Variants in RTL4 observed in about 807,000 individuals in gnomAD.
RTL4 encodes the protein retrotransposon Gag like 4.
A neutral mutation model predicts 5.3 loss-of-function variants in RTL4; 4 were observed. The ratio of observed to expected loss-of-function variants is 0.75; its 90% confidence interval spans 0.37 to 1.72. The LOEUF is 1.72. Ranked by LOEUF, RTL4 falls within the 40% of genes most tolerant of loss-of-function variation. The pLI is 0.04. For synonymous variants in RTL4, 98 were observed against 87.3 expected (o/e 1.12, Z -0.68); for missense variants, 260 against 227.1 (o/e 1.14, Z -0.93).
At chrX:112,365,724 G>A in the RTL4 span, among the ~76,000 whole-genome samples, 1 of 111,216 alleles carries the variant, frequency 9.0e-6, no homozygotes, top group Non-Finnish European at 1.9e-5. Flanking sequence ...TTTCACTCCC[G>A]TGCTCTTTCT....
chrX:112,087,251 A>G, the RTL4 span, among the ~76,000 whole-genome samples: 2 of 109,602 alleles, frequency 1.8e-5, no homozygotes, highest in Non-Finnish European at 3.8e-5. Flanking sequence ...ATTAAAAACT[A>G]TCCCTCATGG....
the RTL4 span, among the ~76,000 whole-genome samples, chrX:112,211,178 C>T: frequency 8.9e-6 from 1 of 111,856 alleles, no homozygotes; most frequent in East Asian, 2.8e-4. Flanking sequence ...CAACTGAAGG[C>T]TTGGAAATGC....
chrX:112,192,651 T>C, the RTL4 span, among the ~76,000 whole-genome samples: 1 of 111,752 alleles, frequency 8.9e-6, no homozygotes, highest in Non-Finnish European at 1.9e-5. Context: ...TTTGTTCTTC[T>C]ATAGCTCCAT....
the RTL4 span, among the ~76,000 whole-genome samples, chrX:112,090,664 G>C: frequency 9.1e-6 from 1 of 110,254 alleles, no homozygotes; most frequent in Non-Finnish European, 1.9e-5. Flanking sequence ...ATTTTTTTGG[G>C]GATTTTTGTA....
chrX:112,286,925 C>T, the RTL4 span, among the ~76,000 whole-genome samples: 2 of 111,833 alleles, frequency 1.8e-5, no homozygotes, highest in South Asian at 3.7e-4. Flanking sequence ...CAAACTCCTC[C>T]CCCAACCTAA....
At chrX:112,181,340 T>C in the RTL4 span, among the ~76,000 whole-genome samples, 1 of 111,122 alleles carries the variant, frequency 9.0e-6, no homozygotes, top group Admixed American at 9.5e-5. Context: ...AACTGTTCAC[T>C]CCCCTGAAAA....
chrX:112,454,850 G>A (rs777017191), exon 1 of RTL4: 2 of 1,210,613 alleles, frequency 1.7e-6, no homozygotes, highest in South Asian at 1.8e-5. Flanking sequence ...GCTAAAAGGG[G>A]CCAAGTCATG....
At chrX:112,277,568 G>A in the RTL4 span, among the ~76,000 whole-genome samples, 3 of 111,664 alleles carry the variant, frequency 2.7e-5, no homozygotes, top group African/African-American at 6.5e-5. Flanking sequence ...AACCTGGTTC[G>A]CCATGCAGAA....
the RTL4 span, among the ~76,000 whole-genome samples, chrX:112,435,966 T>C: frequency 1.8e-5 from 2 of 111,781 alleles, no homozygotes; most frequent in Admixed American, 9.5e-5. Context: ...CCTCTAATTC[T>C]AGCATTCCGG....
chrX:112,223,144 T>C, the RTL4 span, among the ~76,000 whole-genome samples: 2 of 111,929 alleles, frequency 1.8e-5, no homozygotes, highest in African/African-American at 6.5e-5. Context: ...AAGCTGTCAC[T>C]AGTTAATTGT....
the RTL4 span, among the ~76,000 whole-genome samples, chrX:112,312,677 A>G: frequency 5.1e-3 from 569 of 111,347 alleles, 3 homozygotes; most frequent in African/African-American, 0.018. Context: ...CTTCATTGCA[A>G]GCTCTCTCTA....
At chrX:112,367,009 G>A in the RTL4 span, among the ~76,000 whole-genome samples, 2 of 111,485 alleles carry the variant, frequency 1.8e-5, no homozygotes, top group Admixed American at 9.5e-5. Context: ...TGCCTGGAGC[G>A]CAGCTGAAAA....
At chrX:112,270,739 G>A in the RTL4 span, among the ~76,000 whole-genome samples, 11 of 111,050 alleles carry the variant, frequency 9.9e-5, no homozygotes, top group Non-Finnish European at 2.1e-4. Context: ...GTGGCTGGGA[G>A]GGAAAAGGAG....
chrX:112,340,545 C>T, the RTL4 span, among the ~76,000 whole-genome samples: 13 of 76,354 alleles, frequency 1.7e-4, no homozygotes, highest in Non-Finnish European at 2.5e-4. Flanking sequence ...CAAAGACCCA[C>T]GGGAATAGTA....
chrX:112,226,971 T>TAAAATAAATAAAATAAAACAAAACAA, the RTL4 span, among the ~76,000 whole-genome samples: 4 of 74,910 alleles, frequency 5.3e-5, no homozygotes, highest in African/African-American at 1.4e-4. Context: ...TAAAATAAAA[T>TAAAATAAATAAAATAAAACAAAACAA]AATAAAATAA....
the RTL4 span, among the ~76,000 whole-genome samples, chrX:112,256,694 T>G: frequency 8.0e-5 from 9 of 112,181 alleles, no homozygotes; most frequent in South Asian, 3.3e-3. Flanking sequence ...TCTTTTATGC[T>G]CCTAATAATA....
the RTL4 span, among the ~76,000 whole-genome samples, chrX:112,309,651 A>G: frequency 9.3e-6 from 1 of 107,098 alleles, no homozygotes; most frequent in Non-Finnish European, 1.9e-5. Context: ...ACCACGCCCA[A>G]CTCATTTTTT....
At chrX:112,394,930 T>C in the RTL4 span, among the ~76,000 whole-genome samples, 1 of 112,276 alleles carries the variant, frequency 8.9e-6, no homozygotes, top group Non-Finnish European at 1.9e-5. Context: ...TTCATCAGCA[T>C]GTGGGTGTTT....
the RTL4 span, among the ~76,000 whole-genome samples, chrX:112,327,436 C>T: frequency 4.2e-4 from 46 of 109,410 alleles, no homozygotes; most frequent in East Asian, 1.1e-3. Context: ...TGAAATGAAG[C>T]GAGAAGGGAA....
Sources: gnomAD v4.1 joint callset for allele counts (sites outside exome capture counted in the v4.1 genomes callset) on GRCh38, gnomAD v4.1.1 for gene constraint, MANE v1.5 for transcripts, NCBI Gene and HGNC (gene_info 2026-07-23, HGNC 2026-07-21) for gene names.